The following GPC3 variants were observed in gnomAD, a reference collection of about 807,000 sequenced individuals.
GPC3 encodes the protein glypican-3.
Under a neutral mutation model 34.4 loss-of-function variants are expected in GPC3, and 3 were observed. The observed-to-expected ratio is 0.09, with a 90% CI of 0.04 to 0.23. The LOEUF (loss-of-function observed/expected upper bound fraction) is 0.23. Among genes scored for constraint, GPC3 ranks in the 10% least tolerant of loss-of-function variants. The pLI is 1.00. For missense variants in GPC3, 351 were observed against 445.6 expected, an observed-to-expected ratio of 0.79 and a Z score of 1.91; for synonymous variants, 177 against 174.0, an observed-to-expected ratio of 1.02 and a Z score of -0.13.
At chrX:133,656,276 A>G (rs1452073983) in intron 6 of GPC3, among the ~76,000 whole-genome samples, 1 of 112,406 alleles carries the variant, frequency 8.9e-6, no homozygotes, top group Non-Finnish European at 1.9e-5. Context: ...TCAGACCACA[A>G]ATTAAGGAGT....
At chrX:133,741,364 C>T (rs955547954) in intron 3 of GPC3, among the ~76,000 whole-genome samples, 1 of 110,463 alleles carries the variant, frequency 9.1e-6, no homozygotes, top group African/African-American at 3.3e-5. Flanking sequence ...AAAGCTAAGC[C>T]CATTGGAAGT....
In GPC3 at chrX:133,682,769, C is replaced by G. The variant is rs752684659; in HGVS notation, c.1292+9600G>C. Among the ~76,000 whole-genome samples, 187 of 110,928 alleles carry G rather than the reference C, an allele frequency of 1.7e-3. 1 individual carries two copies. Among genetic ancestry groups the G allele is most frequent in the African/African-American group, 5.8e-3 (177 of 30,453 alleles). ...ATCACTTGAGGTCAGGAGTTCGAGA[C>G]CAGCCTGACCAACATGGTGAAACCC... On this transcript the variant is annotated intron_variant, in intron 5 of 7. Coordinates refer to ENST00000370818, the MANE Select transcript of GPC3 (RefSeq NM_004484.4).
Position 133,779,798 on chromosome X carries a change from T to A in GPC3, c.338-25622A>T, listed in dbSNP as rs143756989. Among the ~76,000 whole-genome samples the A allele has an allele frequency of 7.6e-3, 841 of 110,448 alleles. 13 individuals are homozygous for A. The highest frequency in any genetic ancestry group is 0.027 in the African/African-American group (811 of 30,339). On this transcript the variant is annotated intron_variant, in intron 2 of 7. Coordinates refer to ENST00000370818, the MANE Select transcript of GPC3 (RefSeq NM_004484.4). The stretch of plus-strand genomic sequence containing the variant: ...TCATTTTTGTTATTTAAAGTTTTTC[T>A]CCCCTCTCCTACCACATCCTGGTCC...
At chrX:133,591,718 A>G (rs183635530) in intron 7 of GPC3, among the ~76,000 whole-genome samples, 2 of 112,269 alleles carry the variant, frequency 1.8e-5, no homozygotes, top group Admixed American at 1.9e-4. Flanking sequence ...GGCCCTTGAC[A>G]AGATCCCATG....
At chrX:133,966,360 T>C (rs896017247) in intron 1 of GPC3, among the ~76,000 whole-genome samples, 1 of 112,556 alleles carries the variant, frequency 8.9e-6, no homozygotes, top group African/African-American at 3.2e-5. Context: ...TGATATGAGC[T>C]TTTCTTCACA....
intron 2 of GPC3, among the ~76,000 whole-genome samples, chrX:133,919,941 C>T (rs184197463): frequency 1.8e-5 from 2 of 109,249 alleles, no homozygotes; most frequent in African/African-American, 6.7e-5. Context: ...AGGAGGACTG[C>T]TTGAGCTCGG....
intron 3 of GPC3, among the ~76,000 whole-genome samples, chrX:133,724,330 A>T (rs2071392114): frequency 8.9e-6 from 1 of 112,325 alleles, no homozygotes; most frequent in Admixed American, 9.4e-5. Context: ...AGATGGAAAT[A>T]ATAATTAACA....
intron 3 of GPC3, among the ~76,000 whole-genome samples, chrX:133,704,864 T>G (rs900748753): frequency 7.2e-5 from 8 of 111,162 alleles, no homozygotes; most frequent in Non-Finnish European, 1.5e-4. Flanking sequence ...ATGCAAAAAT[T>G]TGATCTGATA....
At chrX:133,600,187 T>A (rs1415337238) in intron 6 of GPC3, among the ~76,000 whole-genome samples, 1 of 112,121 alleles carries the variant, frequency 8.9e-6, no homozygotes, top group Non-Finnish European at 1.9e-5. Context: ...TATGTGCTAT[T>A]GAACTGAAGC....
intron 3 of GPC3, among the ~76,000 whole-genome samples, chrX:133,744,216 G>A (rs1385065139): frequency 8.9e-6 from 1 of 112,157 alleles, no homozygotes; most frequent in African/African-American, 3.2e-5. Context: ...TATCATCAGA[G>A]TGAACAGGCA....
At chrX:133,828,992 T>C (rs750439283) in intron 2 of GPC3, among the ~76,000 whole-genome samples, 1 of 111,617 alleles carries the variant, frequency 9.0e-6, no homozygotes, top group African/African-American at 3.3e-5. Context: ...ATAAATAAAG[T>C]AACTGAATTA....
chrX:133,780,497 A>G (rs1787042254), intron 2 of GPC3, among the ~76,000 whole-genome samples: 2 of 111,600 alleles, frequency 1.8e-5, no homozygotes, highest in African/African-American at 6.5e-5. Flanking sequence ...GTCCCAGATT[A>G]CCCTGACTCG....
rs1165193952 is a variant in GPC3 at position 133,863,648 on chromosome X, C to CTTTTTTT, written c.337+89395_337+89401dup. ...ACCCCTAGTTAACATAAAAATATTC[C>CTTTTTTT]TTTTTTTTTTTTTTTTTTGAGACGG... On this transcript the variant is annotated intron_variant, in intron 2 of 7. Coordinates refer to ENST00000370818, the MANE Select transcript of GPC3 (RefSeq NM_004484.4). Among the ~76,000 whole-genome samples, 215 of 72,870 alleles carry CTTTTTTT rather than the reference C, an allele frequency of 3.0e-3. 22 individuals carry two copies. Among genetic ancestry groups the CTTTTTTT allele is most frequent in the African/African-American group, 0.012 (147 of 11,967 alleles). 63.3% of individuals were successfully genotyped at this position (72,870 alleles called of 115,157 possible).
At chrX:133,553,068 G>C (rs2069450213) in intron 7 of GPC3, among the ~76,000 whole-genome samples, 1 of 112,266 alleles carries the variant, frequency 8.9e-6, no homozygotes, top group Non-Finnish European at 1.9e-5. Context: ...AAAATAAAAA[G>C]AAGATGCAAT....
intron 2 of GPC3, among the ~76,000 whole-genome samples, chrX:133,828,423 G>C (rs1410738914): frequency 8.9e-6 from 1 of 112,184 alleles, no homozygotes; most frequent in Non-Finnish European, 1.9e-5. Context: ...CTCCCAAAGT[G>C]CTGGGATTAT....
intron 2 of GPC3, among the ~76,000 whole-genome samples, chrX:133,804,055 A>G (rs957891199): frequency 9.1e-6 from 1 of 110,239 alleles, no homozygotes; most frequent in Admixed American, 9.7e-5. Flanking sequence ...TGGACAAACA[A>G]ATCAAATCCA....
intron 6 of GPC3, among the ~76,000 whole-genome samples, chrX:133,620,670 C>A (rs2070222672): frequency 9.0e-6 from 1 of 111,214 alleles, no homozygotes; most frequent in African/African-American, 3.3e-5. Context: ...ACTGATAGAG[C>A]AGACTCTATA....
chrX:133,597,153 C>T (rs1005186201), intron 6 of GPC3, among the ~76,000 whole-genome samples: 33 of 111,831 alleles, frequency 3.0e-4, no homozygotes, highest in Non-Finnish European at 1.3e-4. Flanking sequence ...TCTCCTCTCC[C>T]GCAATTCCAA....
intron 2 of GPC3, among the ~76,000 whole-genome samples, chrX:133,841,146 C>A (rs1248012608): frequency 1.9e-5 from 2 of 107,107 alleles, no homozygotes; most frequent in African/African-American, 6.7e-5. Flanking sequence ...CAGGCCCAAG[C>A]AATCCTCCCA....
Sources: allele counts gnomAD v4.1 joint callset (sites outside exome capture counted in the v4.1 genomes callset), GRCh38; gene constraint gnomAD v4.1.1; transcripts MANE v1.5; gene names NCBI Gene and HGNC (gene_info 2026-07-23, HGNC 2026-07-21).